Variants in PCDHA13 observed in about 807,000 individuals in gnomAD.
The protein encoded by PCDHA13 is protocadherin alpha 13, also known as protocadherin alpha-13.
PCDHA13 carries 54 observed loss-of-function variants against 64.8 expected under a neutral mutation model. The ratio of observed to expected loss-of-function variants is 0.83; its 90% CI spans 0.67 to 1.04. The LOEUF is 1.04. PCDHA13 is among the 50% of genes least tolerant of loss of function. The pLI, the probability that PCDHA13 is intolerant of heterozygous loss-of-function variation, is 0.00. For missense variants in PCDHA13, 1,248 were observed against 1,254.3 expected, an observed-to-expected ratio of 0.99 and a Z score of 0.08; for synonymous variants, 587 against 564.4, an observed-to-expected ratio of 1.04 and a Z score of -0.57.
At chr5:140,925,690 G>GT (rs2082677818) in intron 1 of PCDHA13, among the ~76,000 whole-genome samples, 1 of 149,642 alleles carries the variant, frequency 6.7e-6, no homozygotes, top group African/African-American at 2.5e-5. Flanking sequence ...GCGAGGGTGG[G>GT]TATCTAGCCT....
chr5:140,970,286 C>A (rs2096395973), intron 1 of PCDHA13, among the ~76,000 whole-genome samples: 2 of 152,174 alleles, frequency 1.3e-5, no homozygotes, highest in Admixed American at 6.5e-5. Context: ...GTAGCCTTTT[C>A]AAGTCCTTCA....
At chr5:140,966,777 C>T (rs1554228636) in intron 1 of PCDHA13, 2 of 1,510,822 alleles carry the variant, frequency 1.3e-6, no homozygotes, top group Non-Finnish European at 1.8e-6. Context: ...ATGGAGCAGG[C>T]GGGCACCAGA....
chr5:140,924,915 AT>A (rs1554202358), intron 1 of PCDHA13, among the ~76,000 whole-genome samples: 19 of 127,348 alleles, frequency 1.5e-4, no homozygotes, highest in African/African-American at 5.1e-4. Context: ...ATAAAATAAA[AT>A]AAAATAAAAT....
intron 3 of PCDHA13, among the ~76,000 whole-genome samples, chr5:140,999,171 C>T (rs1482438264): frequency 1.3e-5 from 2 of 152,054 alleles, no homozygotes; most frequent in African/African-American, 4.8e-5. Context: ...AGGAAAAGAG[C>T]CTGATGGGGA....
chr5:140,937,785 G>T (rs962276976), intron 1 of PCDHA13, among the ~76,000 whole-genome samples: 2 of 150,438 alleles, frequency 1.3e-5, no homozygotes, highest in African/African-American at 4.9e-5. Flanking sequence ...GGTGGCGGGC[G>T]TATGTAGTCC....
chr5:140,978,829 T>C, intron 1 of PCDHA13, 120 bp from the exon 2 acceptor site: 1 of 1,533,852 alleles, frequency 6.5e-7, no homozygotes, highest in Non-Finnish European at 8.8e-7. Flanking sequence ...ATGAAATGGC[T>C]CATTCAATAC....
At chr5:140,936,449 C>A (rs1245206418) in intron 1 of PCDHA13, among the ~76,000 whole-genome samples, 1 of 152,174 alleles carries the variant, frequency 6.6e-6, no homozygotes, top group African/African-American at 2.4e-5. Context: ...ATAACCACAT[C>A]TGTTTAGTGG....
chr5:140,953,881 A>G (rs1481970999), intron 1 of PCDHA13, among the ~76,000 whole-genome samples: 2 of 152,130 alleles, frequency 1.3e-5, no homozygotes, highest in Non-Finnish European at 2.9e-5. Flanking sequence ...AGATCAACCC[A>G]TCACCTAGGT....
intron 3 of PCDHA13, among the ~76,000 whole-genome samples, chr5:140,992,995 A>C (rs1347087034): frequency 2.0e-5 from 3 of 152,202 alleles, no homozygotes; most frequent in African/African-American, 7.2e-5. Context: ...GACCCATGAA[A>C]GAGCCTCCCC....
chr5:140,971,420 TGAA>T (rs782149033), intron 1 of PCDHA13, among the ~76,000 whole-genome samples: 3 of 152,112 alleles, frequency 2.0e-5, no homozygotes, highest in Non-Finnish European at 4.4e-5. Flanking sequence ...GGAAATCCAG[TGAA>T]GAACCCCAAG....
Position 140,883,569 on chromosome 5 carries a change from C to A in PCDHA13, c.1301C>A (p.Ser434Ter), listed in dbSNP as rs781786717. 3 of 1,614,134 alleles carry A rather than the reference C, an allele frequency of 1.9e-6. No homozygotes were observed. Among genetic ancestry groups the A allele is most frequent in the South Asian group, 2.2e-5 (2 of 91,066 alleles). Residue 434 changes from serine (S) to a stop codon, truncating the protein, a stop_gained, in exon 1 of 4, where the codon TCG becomes TAG. Coordinates refer to ENST00000289272, the MANE Select transcript of PCDHA13 (RefSeq NM_018904.3). LOFTEE classifies it high-confidence loss of function. ...VVTARDGGSP[S>*]LWATASVSVG... ...ACCGCGCGGGACGGGGGCTCGCCTTCGCTGTGGGCCACGGCCAGCGTGTCG... is the reference window on the plus strand; with the variant it reads ...ACCGCGCGGGACGGGGGCTCGCCTTAGCTGTGGGCCACGGCCAGCGTGTCG...
At chr5:140,968,027 C>G in intron 1 of PCDHA13, 2 of 1,614,200 alleles carry the variant, frequency 1.2e-6, no homozygotes, top group Middle Eastern at 1.6e-4. Flanking sequence ...CTCCTATACA[C>G]TGGTGGTGAG....
chr5:140,955,976 G>A (rs2095244273), intron 1 of PCDHA13, among the ~76,000 whole-genome samples: 1 of 152,180 alleles, frequency 6.6e-6, no homozygotes, highest in South Asian at 2.1e-4. Flanking sequence ...AGGAATGCTA[G>A]CAATTTTTGC....
At chr5:140,906,518 A>G (rs377287696) in intron 1 of PCDHA13, among the ~76,000 whole-genome samples, 161 of 152,358 alleles carry the variant, frequency 1.1e-3, no homozygotes, top group African/African-American at 3.7e-3. Flanking sequence ...AGGAGGAAAT[A>G]CTCACGACAA....
chr5:141,009,597 G>A (rs1284925593), intron 3 of PCDHA13, 30 bp from the exon 4 acceptor site: 1 of 1,605,790 alleles, frequency 6.2e-7, no homozygotes, highest in Non-Finnish European at 8.5e-7. Flanking sequence ...TGTTGACCCT[G>A]TTAATGATTT....
At chr5:140,968,683 A>G (rs782664501) in intron 1 of PCDHA13, 7 of 1,614,164 alleles carry the variant, frequency 4.3e-6, no homozygotes. Flanking sequence ...AGCTGCACAC[A>G]GGAGAAATTA....
chr5:140,933,645 G>A lies in PCDHA13; in HGVS notation c.2395-45304G>A, dbSNP rs1014286392. Among the ~76,000 whole-genome samples the A allele has an allele frequency of 3.3e-5, 5 of 151,892 alleles. No individual in the cohort carries two copies. The South Asian group carries it at 8.3e-4, about 25-fold the overall frequency. On this transcript the variant is annotated intron_variant, in intron 1 of 3. Transcript: ENST00000289272. ...TAGGCTGGCCCTGTTAAACAAGTTG[G>A]AAATCCTGTCTCTCTCTCTGTCTCT...
At chr5:140,944,171 GT>G (rs1250322343) in intron 1 of PCDHA13, among the ~76,000 whole-genome samples, 1 of 152,008 alleles carries the variant, frequency 6.6e-6, no homozygotes, top group Non-Finnish European at 1.5e-5. Context: ...GCCAAGGCTG[GT>G]TTTTTGTTGG....
intron 1 of PCDHA13, among the ~76,000 whole-genome samples, chr5:140,956,672 G>A (rs571890845): frequency 1.3e-5 from 2 of 152,242 alleles, no homozygotes; most frequent in Admixed American, 1.3e-4. Context: ...AAAGGAGTTA[G>A]GGAGGAGTAC....
Sources: gnomAD v4.1 joint callset for allele counts (sites outside exome capture counted in the v4.1 genomes callset) on GRCh38, gnomAD v4.1.1 for gene constraint, MANE v1.5 for transcripts, NCBI Gene and HGNC (gene_info 2026-07-23, HGNC 2026-07-21) for gene names.